The following PHEX variants were observed in gnomAD, a reference collection of about 807,000 sequenced individuals.
PHEX encodes the protein phosphate-regulating neutral endopeptidase PHEX.
Under a neutral mutation model 68.0 loss-of-function variants are expected in PHEX, and 16 were observed. The observed-to-expected ratio is 0.24, with a 90% CI of 0.16 to 0.36. PHEX has a LOEUF of 0.36. Among genes scored for constraint, PHEX ranks in the 10% least tolerant of loss-of-function variants. The pLI, the probability that PHEX is intolerant of heterozygous loss-of-function variation, is 1.00. For missense variants in PHEX, 480 were observed against 575.5 expected, an observed-to-expected ratio of 0.83 and a Z score of 1.70; for synonymous variants, 208 against 205.1, an observed-to-expected ratio of 1.01 and a Z score of -0.12.
intron 17 of PHEX, among the ~76,000 whole-genome samples, chrX:22,219,844 C>G (rs1935214885): frequency 9.0e-6 from 1 of 111,433 alleles, no homozygotes; most frequent in Non-Finnish European, 1.9e-5. Context: ...GTCTCGATCT[C>G]CTGACCTCGT....
In PHEX at chrX:22,212,887, T is replaced by C; in HGVS notation, c.1646-17T>C. On this transcript the variant is annotated splice_polypyrimidine_tract_variant and intron_variant, in intron 15 of 21. Transcript: ENST00000379374. ...ATCAATCTCTCTATATCTCTTAACA[T>C]TTTTTCCTTCTCATAGGATTTCCAG... 8.5e-7 allele frequency: 1 copy of C among 1,173,718 alleles called. No homozygotes were observed. The highest frequency in any genetic ancestry group is 1.2e-6 in the Non-Finnish European group (1 of 861,038).
At chrX:22,216,956 GTAAC>G (rs1426866259) in intron 16 of PHEX, among the ~76,000 whole-genome samples, 1 of 112,300 alleles carries the variant, frequency 8.9e-6, no homozygotes, top group Admixed American at 9.4e-5. Context: ...TTGTGATTAA[GTAAC>G]TGAGAATTGA....
At chrX:22,047,419 T>C (rs1167600574) in intron 3 of PHEX, among the ~76,000 whole-genome samples, 1 of 112,451 alleles carries the variant, frequency 8.9e-6, no homozygotes, top group Non-Finnish European at 1.9e-5. Context: ...TAGGTTGTTA[T>C]GTTCATGTTT....
intron 15 of PHEX, among the ~76,000 whole-genome samples, chrX:22,197,314 C>T (rs765436723): frequency 2.2e-4 from 24 of 111,353 alleles, no homozygotes; most frequent in African/African-American, 7.8e-4. Flanking sequence ...TGTCTAGTCC[C>T]CTGCCACACT....
At chrX:22,121,177 A>G (rs1464868309) in intron 11 of PHEX, among the ~76,000 whole-genome samples, 1 of 112,499 alleles carries the variant, frequency 8.9e-6, no homozygotes, top group Non-Finnish European at 1.9e-5. Context: ...ATTCAGGACT[A>G]TTGCAAGAGG....
At chrX:22,228,716 A>ATACTTTACTT (rs376716075) in intron 20 of PHEX, among the ~76,000 whole-genome samples, 23,808 of 106,793 alleles carry the variant, frequency 0.22, 2,170 homozygotes, top group Non-Finnish European at 0.25. Flanking sequence ...CAGATGTTTC[A>ATACTTTACTT]TACTTTACTT....
intron 12 of PHEX, among the ~76,000 whole-genome samples, chrX:22,141,363 AC>A (rs750445346): frequency 1.8e-5 from 2 of 111,995 alleles, no homozygotes; most frequent in South Asian, 7.5e-4. Flanking sequence ...AGTGTAACTC[AC>A]ACAGCACAAT....
chrX:22,214,351 CTGTTT>C (rs374051632), intron 16 of PHEX, among the ~76,000 whole-genome samples: 299 of 112,128 alleles, frequency 2.7e-3, no homozygotes, highest in African/African-American at 8.9e-3. Flanking sequence ...GATAATCTTC[CTGTTT>C]TAAGTTCAAC....
At position 22,099,256 on chromosome X, in the gene PHEX, T is replaced by C. The variant is rs182865564; in HGVS notation, c.1079+105T>C. The C allele has an allele frequency of 1.0e-4, 80 of 772,413 alleles. No homozygotes were observed. The Admixed American group carries it at 1.8e-3, about 17-fold the overall frequency. 63.7% of individuals were successfully genotyped at this position (772,413 alleles called of 1,213,427 possible). ...AAAACTGTTTTTAAAGAATGTTACA[T>C]CAAAAGAGTCATAGGGAAAATCCCG... On this transcript the variant is annotated intron_variant, in intron 9 of 21. Transcript: ENST00000379374.
intron 10 of PHEX, among the ~76,000 whole-genome samples, chrX:22,113,929 C>A (rs866989987): frequency 1.1e-5 from 1 of 91,425 alleles, no homozygotes; most frequent in African/African-American, 3.9e-5. Context: ...AAATCACTTT[C>A]TTTTCTTCTT....
chrX:22,104,745 C>T (rs1930599969), intron 9 of PHEX, among the ~76,000 whole-genome samples: 1 of 111,271 alleles, frequency 9.0e-6, no homozygotes, highest in Non-Finnish European at 1.9e-5. Flanking sequence ...CTACTTTTAT[C>T]TGAGGAGTAA....
chrX:22,201,014 G>T (rs974476339), intron 15 of PHEX, among the ~76,000 whole-genome samples: 1 of 111,836 alleles, frequency 8.9e-6, no homozygotes, highest in Non-Finnish European at 1.9e-5. Context: ...CTTAAAAGGA[G>T]TATTTAGATA....
chrX:22,232,384 G>A (rs907673873), intron 20 of PHEX, among the ~76,000 whole-genome samples: 1 of 109,716 alleles, frequency 9.1e-6, no homozygotes, highest in African/African-American at 3.3e-5. Flanking sequence ...AGTCTCCCAC[G>A]ATTATTGTGT....
rs779472826 is a variant in PHEX, at chrX:22,108,254, T to C, written c.1080-3213T>C. Reference sequence around the variant, plus strand: ...AATGCGCATATCCTAACAAGATCCATTGGGTCTGAGAAGAACATTTTAGAA... The same window carrying C: ...AATGCGCATATCCTAACAAGATCCACTGGGTCTGAGAAGAACATTTTAGAA... On this transcript the variant is annotated intron_variant, in intron 9 of 21. Coordinates refer to ENST00000379374, the MANE Select transcript of PHEX (RefSeq NM_000444.6). 6.3e-5 allele frequency among the ~76,000 whole-genome samples: 7 copies of C among 111,844 alleles called. No individual in the cohort carries two copies. In the East Asian group the frequency reaches 1.4e-3, roughly 22 times the overall value.
At chrX:22,094,944 C>T (rs1049306681) in intron 7 of PHEX, among the ~76,000 whole-genome samples, 1 of 111,882 alleles carries the variant, frequency 8.9e-6, no homozygotes, top group Non-Finnish European at 1.9e-5. Flanking sequence ...TCTGGGGAAA[C>T]CCTGTAGTGA....
At chrX:22,056,454 T>C (rs1928108711) in intron 3 of PHEX, among the ~76,000 whole-genome samples, 1 of 110,820 alleles carries the variant, frequency 9.0e-6, no homozygotes, top group Non-Finnish European at 1.9e-5. Context: ...CTCATTCATA[T>C]CTAGCAAGAG....
chrX:22,214,927 T>A (rs1935038169), intron 16 of PHEX, among the ~76,000 whole-genome samples: 1 of 111,635 alleles, frequency 9.0e-6, no homozygotes. Flanking sequence ...TTGGACTCAA[T>A]TTGCCCTGCT....
At chrX:22,237,118 C>T (rs1414585676) in intron 20 of PHEX, among the ~76,000 whole-genome samples, 1 of 112,056 alleles carries the variant, frequency 8.9e-6, no homozygotes, top group Non-Finnish European at 1.9e-5. Context: ...TACTTTCCCT[C>T]CTGGGAAGGT....
intron 12 of PHEX, among the ~76,000 whole-genome samples, chrX:22,144,402 T>G: frequency 9.0e-6 from 1 of 111,547 alleles, no homozygotes; most frequent in Admixed American, 9.6e-5. Flanking sequence ...TTATGGAAAT[T>G]TAAAAATGTA....
Sources: allele counts gnomAD v4.1 joint callset (sites outside exome capture counted in the v4.1 genomes callset), GRCh38; gene constraint gnomAD v4.1.1; transcripts MANE v1.5; gene names NCBI Gene and HGNC (gene_info 2026-07-23, HGNC 2026-07-21).